CETP: variants seen among roughly 807,000 people sequenced by gnomAD.
The protein encoded by CETP is BPI fold containing family F.
Under a neutral mutation model 66.5 loss-of-function variants are expected in CETP, and 56 were observed. The observed-to-expected ratio is 0.84, with a 90% CI of 0.68 to 1.05. The LOEUF (loss-of-function observed/expected upper bound fraction) is 1.05, where lower values mean the gene tolerates loss of function less well. Among genes scored for constraint, CETP ranks in the 50% least tolerant of loss-of-function variants. CETP has a pLI of 0.00. For missense variants in CETP, 612 were observed against 609.6 expected (o/e 1.00, Z -0.04); for synonymous variants, 251 against 245.7 (o/e 1.02, Z -0.20).
At position 56,969,618 on chromosome 16, in the gene CETP, A is replaced by G; in HGVS notation, c.376A>G (p.Ile126Val). The change falls in exon 4 of 16, where the codon ATT becomes GTT. Residue 126 changes from isoleucine (I) to valine (V), a missense_variant. Physicochemically the swap from Ile to Val is conservative, Grantham distance 29 (BLOSUM62 3). Transcript: ENST00000200676. The stretch of plus-strand genomic sequence containing the variant: ...GTCCTTGGCTCTTTCCAGGCTGGGT[A>G]TTGATCAGTCCATTGACTTCGAGAT... The part of the protein sequence containing the change: ...YGYTTAWWLG[I>V]DQSIDFEIDS... The G allele has an allele frequency of 6.2e-7, 1 of 1,614,120 alleles. No homozygotes were observed. The highest frequency in any genetic ancestry group is 8.5e-7 in the Non-Finnish European group (1 of 1,180,014).
chr16:56,972,160 G>T, intron 8 of CETP, 77 bp downstream of exon 8: 1 of 1,097,852 alleles, frequency 9.1e-7, no homozygotes. Flanking sequence ...TGACAACCCC[G>T]TCCCCCAGCT....
chr16:56,970,994 G>T, intron 5 of CETP, 39 bp from the exon 6 acceptor site: 1 of 1,606,356 alleles, frequency 6.2e-7, no homozygotes, highest in Non-Finnish European at 8.5e-7. Flanking sequence ...GGATGCACAG[G>T]ACTGGTCAGG....
intron 11 of CETP, among the ~76,000 whole-genome samples, chr16:56,980,661 C>T (rs945953723): frequency 2.4e-4 from 36 of 152,288 alleles, no homozygotes; most frequent in South Asian, 2.1e-3. Context: ...CGGTGGCTCA[C>T]GCCTGTAATC....
Position 56,965,040 on chromosome 16 carries a change from A to T in CETP, c.233+1916A>T, listed in dbSNP as rs140113750. ...GGGGAGGTCAAGGCTGCGGTGAGCTATGATTGCATCACTGCATTCCAGCCT... is the reference window on the plus strand; with the variant it reads ...GGGGAGGTCAAGGCTGCGGTGAGCTTTGATTGCATCACTGCATTCCAGCCT... On this transcript the variant is annotated intron_variant, in intron 2 of 15. Transcript: ENST00000200676. Among the ~76,000 whole-genome samples the T allele has an allele frequency of 1.9e-3, 291 of 152,346 alleles. 1 individual carries two copies. Among genetic ancestry groups the T allele is most frequent in the African/African-American group, 6.5e-3 (272 of 41,586 alleles).
At chr16:56,973,096 G>T (rs1024277141) in intron 8 of CETP, among the ~76,000 whole-genome samples, 1 of 152,224 alleles carries the variant, frequency 6.6e-6, no homozygotes, top group African/African-American at 2.4e-5. Context: ...CCCTGTGAAG[G>T]CAGGAACCAC....
chr16:56,962,948 G>A lies in CETP; in HGVS notation c.119-62G>A, dbSNP rs1387954568. The A allele has an allele frequency of 9.7e-6, 14 of 1,447,910 alleles. No individual in the cohort carries two copies. The Admixed American group carries it at 2.0e-4, about 21-fold the overall frequency. The allele number at this position is 1,447,910 out of a possible 1,614,324, so 89.7% of individuals were successfully genotyped here. On this transcript the variant is annotated intron_variant, in intron 1 of 15. Coordinates refer to ENST00000200676, the MANE Select transcript of CETP (RefSeq NM_000078.3). ...GCTGAGTCATGGCCAAGGCCAGTTGGGGGTGGGAGCAGGGGGCTTGGTGTG... is the reference window on the plus strand; with the variant it reads ...GCTGAGTCATGGCCAAGGCCAGTTGAGGGTGGGAGCAGGGGGCTTGGTGTG...
intron 2 of CETP, among the ~76,000 whole-genome samples, chr16:56,966,353 G>C (rs1373346642): frequency 6.6e-6 from 1 of 152,112 alleles, no homozygotes; most frequent in African/African-American, 2.4e-5. Context: ...CTGCTTTCCA[G>C]CAGCTGTGAT....
At chr16:56,972,428 A>G (rs2056118978) in intron 8 of CETP, among the ~76,000 whole-genome samples, 1 of 152,230 alleles carries the variant, frequency 6.6e-6, no homozygotes, top group African/African-American at 2.4e-5. Context: ...TGGACCCTCT[A>G]TTACTTAGGA....
chr16:56,967,679 A>G (rs2056077918), intron 2 of CETP, among the ~76,000 whole-genome samples: 1 of 151,714 alleles, frequency 6.6e-6, no homozygotes, highest in Non-Finnish European at 1.5e-5. Flanking sequence ...AAACAATGGT[A>G]TGAGCTTTAA....
chr16:56,962,630 TCGC>T (rs2056032216), intron 1 of CETP, among the ~76,000 whole-genome samples: 1 of 152,088 alleles, frequency 6.6e-6, no homozygotes, highest in Admixed American at 6.5e-5. Context: ...AAATAGAGTA[TCGC>T]CAAGTTCAAA....
chr16:56,969,690 C>T lies in CETP; in HGVS notation c.439+9C>T. On this transcript the variant is annotated intron_variant, in intron 4 of 15. Transcript: ENST00000200676. Reference sequence around the variant, plus strand: ...GATCAACACACAGCTGAGTATGTGTCAAGCGTCCTCTGGGGAAGTGGGAGC... The same window carrying T: ...GATCAACACACAGCTGAGTATGTGTTAAGCGTCCTCTGGGGAAGTGGGAGC... The T allele has an allele frequency of 6.2e-7, 1 of 1,613,554 alleles. No individual in the cohort carries two copies. The highest frequency in any genetic ancestry group is 8.5e-7 in the Non-Finnish European group (1 of 1,179,938).
chr16:56,962,436 G>T, intron 1 of CETP: 1 of 574,750 alleles, frequency 1.7e-6, no homozygotes, highest in South Asian at 1.4e-5. Flanking sequence ...AGATTAGGAG[G>T]TTGGTGTATA....
chr16:56,981,204 T>C lies in CETP; in HGVS notation c.1193T>C (p.Phe398Ser), dbSNP rs767292555. The C allele has an allele frequency of 6.2e-7, 1 of 1,613,770 alleles. No homozygotes were observed. Among genetic ancestry groups the C allele is most frequent in the East Asian group, 2.2e-5 (1 of 44,882 alleles). ...GCCTCCTATTCTAAGAAAAAGCTCT[T>C]CTTAAGCCTCTTGGATTTCCAGTAT... ...VQASYSKKKLFLSLLDFQITP... is the reference protein window; with the variant it reads ...VQASYSKKKLSLSLLDFQITP... Residue 398 changes from phenylalanine to serine, a missense_variant, in exon 12 of 16, where the codon TTC becomes TCC. Transcript: ENST00000200676.
At chr16:56,981,460 G>A (rs1356185405) in intron 12 of CETP, among the ~76,000 whole-genome samples, 187 bp from the exon 13 acceptor site, 1 of 152,230 alleles carries the variant, frequency 6.6e-6, no homozygotes, top group Non-Finnish European at 1.5e-5. Context: ...GGAGAGCGCT[G>A]CCCGAGCAAA....
chr16:56,973,449 T>A lies in CETP; in HGVS notation c.869T>A (p.Leu290Gln), dbSNP rs369941536. 2 of 1,614,222 alleles carry A rather than the reference T, an allele frequency of 1.2e-6. No homozygotes were observed. Among genetic ancestry groups the A allele is most frequent in the Non-Finnish European group, 1.7e-6 (2 of 1,180,032 alleles). ...FWFSERVFHS[L>Q]AKVAFQDGRL... is the part of the protein sequence containing the mutation. ...TTCTCTGAGCGAGTCTTCCACTCGC[T>A]GGCCAAGGTAGCTTTCCAGGATGGC... The change falls in exon 9 of 16, where the codon CTG becomes CAG. Residue 290 changes from leucine (L) to glutamine (Q), a missense_variant. Coordinates refer to ENST00000200676, the MANE Select transcript of CETP (RefSeq NM_000078.3).
chr16:56,967,757 A>G (rs2056078436), intron 2 of CETP, among the ~76,000 whole-genome samples: 1 of 152,108 alleles, frequency 6.6e-6, no homozygotes, highest in Admixed American at 6.6e-5. Context: ...AGCATTTAGA[A>G]TAATGTGGAG....
At chr16:56,975,224 C>A in intron 10 of CETP, 73 bp downstream of exon 10, 2 of 1,317,434 alleles carry the variant, frequency 1.5e-6, no homozygotes, top group Non-Finnish European at 2.2e-6. Flanking sequence ...AGAGCCCCCA[C>A]ACAGCCAATA....
intron 2 of CETP, among the ~76,000 whole-genome samples, chr16:56,967,137 C>T (rs1254420960): frequency 6.6e-6 from 1 of 151,772 alleles, no homozygotes. Context: ...CACCTGAGGT[C>T]AGGAGTTCAA....
intron 11 of CETP, among the ~76,000 whole-genome samples, chr16:56,980,029 G>A (rs972802603): frequency 6.6e-6 from 1 of 152,044 alleles, no homozygotes; most frequent in Non-Finnish European, 1.5e-5. Context: ...AAAATACAGA[G>A]TGTTCCCATA....
Sources: allele counts gnomAD v4.1 joint callset (sites outside exome capture counted in the v4.1 genomes callset), GRCh38; gene constraint gnomAD v4.1.1; transcripts MANE v1.5; gene names NCBI Gene and HGNC (gene_info 2026-07-23, HGNC 2026-07-21).